KDM4A: variants seen among roughly 807,000 people sequenced by gnomAD.
The protein encoded by KDM4A is lysine-specific demethylase 4A.
A neutral mutation model predicts 127.1 loss-of-function variants in KDM4A; 23 were observed. The ratio of observed to expected loss-of-function variants is 0.18; its 90% confidence interval spans 0.13 to 0.26. The LOEUF (loss-of-function observed/expected upper bound fraction) is 0.26, where lower values mean the gene tolerates loss of function less well. KDM4A is among the 10% of genes least tolerant of loss of function. The pLI is 1.00. For missense variants in KDM4A, 890 were observed against 1,329.1 expected (o/e 0.67, Z 5.14); for synonymous variants, 443 against 466.5 (o/e 0.95, Z 0.65).
intron 18 of KDM4A, among the ~76,000 whole-genome samples, chr1:43,697,571 T>C (rs370658354): frequency 2.6e-5 from 4 of 152,140 alleles, no homozygotes; most frequent in African/African-American, 9.7e-5. Flanking sequence ...CTGGGTAAGA[T>C]AATATGGTAT....
chr1:43,681,007 A>T (rs1557913671), intron 11 of KDM4A, among the ~76,000 whole-genome samples: 1 of 152,210 alleles, frequency 6.6e-6, no homozygotes, highest in Non-Finnish European at 1.5e-5. Flanking sequence ...TGAAGCCCCT[A>T]TCATAGCTAA....
intron 3 of KDM4A, 28 bp downstream of exon 3, chr1:43,655,794 A>G (rs780333363): frequency 6.3e-7 from 1 of 1,585,144 alleles, no homozygotes; most frequent in South Asian, 1.1e-5. Context: ...CTTACCTGAC[A>G]TAGCACCTAG....
intron 11 of KDM4A, among the ~76,000 whole-genome samples, chr1:43,677,793 T>C (rs756782748): frequency 1.3e-5 from 2 of 152,238 alleles, no homozygotes; most frequent in Non-Finnish European, 2.9e-5. Context: ...ACTTCCTACA[T>C]TTATGCATCA....
At chr1:43,698,672 T>C (rs558724363) in intron 19 of KDM4A, among the ~76,000 whole-genome samples, 65 of 152,364 alleles carry the variant, frequency 4.3e-4, no homozygotes, top group Non-Finnish European at 8.1e-4. Context: ...TCAGGTATTG[T>C]CCCATGTTTA....
chr1:43,664,510 G>A (rs1025529032), intron 5 of KDM4A, among the ~76,000 whole-genome samples: 2 of 152,050 alleles, frequency 1.3e-5, no homozygotes, highest in African/African-American at 2.4e-5. Context: ...AGGCCGGAGG[G>A]GACATCATGG....
chr1:43,695,046 T>A, intron 18 of KDM4A, 152 bp downstream of exon 18: 1 of 746,988 alleles, frequency 1.3e-6, no homozygotes, highest in Non-Finnish European at 2.1e-6. Context: ...GTGGCCCCTG[T>A]CCATCTCCAC....
chr1:43,697,980 C>G lies in KDM4A; in HGVS notation c.2808C>G (p.Ser936=), dbSNP rs1661284767. 1.9e-6 allele frequency: 3 copies of G among 1,613,730 alleles called. No homozygotes were observed. In the South Asian group the frequency reaches 3.3e-5, roughly 18 times the overall value. ...TFYEVNFDDG[S]FSDNLYPEDI... is the part of the protein sequence containing the mutation. ...ATGAAGTCAACTTTGATGATGGCTC[C>G]TTCAGCGACAATCTTTATCCTGAGG... The change falls in exon 19 of 22, where the codon TCC becomes TCG. Residue 936 remains serine (S), a synonymous_variant. Transcript: ENST00000372396.
At chr1:43,697,349 T>C (rs1475623079) in intron 18 of KDM4A, among the ~76,000 whole-genome samples, 2 of 152,192 alleles carry the variant, frequency 1.3e-5, no homozygotes, top group Non-Finnish European at 2.9e-5. Context: ...GCAGGGCCCT[T>C]GGAATGGGGG....
At chr1:43,668,148 T>C (rs1660541180) in intron 9 of KDM4A, 129 bp downstream of exon 9, 5 of 1,284,692 alleles carry the variant, frequency 3.9e-6, no homozygotes, top group Admixed American at 4.2e-5. Flanking sequence ...TTGTTTTTGA[T>C]GGAGTCTCGC....
At position 43,661,627 on chromosome 1, in the gene KDM4A, A is replaced by G. The variant is rs1045683975; in HGVS notation, c.429+1215A>G. Reference sequence around the variant, plus strand: ...CTGTCTCAAAAAAAAAAAAAAAAAAAAAAAAAAAAAAAAGAATTCCAGTTT... The same window carrying G: ...CTGTCTCAAAAAAAAAAAAAAAAAAGAAAAAAAAAAAAAGAATTCCAGTTT... On this transcript the variant is annotated intron_variant, in intron 4 of 21. Coordinates refer to ENST00000372396, the MANE Select transcript of KDM4A (RefSeq NM_014663.3). Among the ~76,000 whole-genome samples the G allele has an allele frequency of 7.4e-5, 11 of 148,602 alleles. No individual in the cohort carries two copies. The East Asian group carries it at 1.2e-3, about 16-fold the overall frequency.
In KDM4A at chr1:43,703,922, A is replaced by G. The variant is rs539290678; in HGVS notation, c.2962-98A>G. 7 of 1,321,114 alleles carry G rather than the reference A, an allele frequency of 5.3e-6. No homozygotes were observed. In the East Asian group the frequency reaches 1.4e-4, roughly 26 times the overall value. 81.8% of individuals were successfully genotyped at this position (1,321,114 alleles called of 1,614,324 possible). A position where few individuals can be genotyped will look rare whatever the true frequency, so the allele number is the denominator to read the frequency against. On this transcript the variant is annotated intron_variant, in intron 20 of 21. Transcript: ENST00000372396. The stretch of plus-strand genomic sequence containing the variant: ...AAGGTAGTTGTTATTTTAGTGTTCT[A>G]ACTCCTTCCTTTGACTGTAGGGGAC...
At chr1:43,703,859 AG>A (rs2154049738) in intron 20 of KDM4A, 123 bp downstream of exon 20, 1 of 1,402,012 alleles carries the variant, frequency 7.1e-7, no homozygotes, top group East Asian at 2.3e-5. Context: ...TTTCAGAGCT[AG>A]GGGTCTGCCC....
At chr1:43,692,332 C>G in intron 16 of KDM4A, 21 bp downstream of exon 16, 1 of 1,606,690 alleles carries the variant, frequency 6.2e-7, no homozygotes, top group Non-Finnish European at 8.5e-7. Flanking sequence ...TGAGCAGTGC[C>G]TTGGAATGCA....
intron 3 of KDM4A, among the ~76,000 whole-genome samples, chr1:43,658,029 C>T (rs1272753690): frequency 2.0e-5 from 3 of 150,640 alleles, no homozygotes; most frequent in East Asian, 1.9e-4. Context: ...CTATTCCTTT[C>T]GTCCTAATAC....
At chr1:43,686,880 T>C (rs1660995046) in intron 12 of KDM4A, among the ~76,000 whole-genome samples, 2 of 152,254 alleles carry the variant, frequency 1.3e-5, no homozygotes, top group South Asian at 4.1e-4. Flanking sequence ...ATTTTACATA[T>C]GTAAACTGTA....
chr1:43,677,740 G>C (rs1304670489), intron 11 of KDM4A, among the ~76,000 whole-genome samples: 2 of 152,154 alleles, frequency 1.3e-5, no homozygotes, highest in African/African-American at 2.4e-5. Flanking sequence ...ATTAGAAATT[G>C]TTTAACAGAG....
At chr1:43,699,091 ATTTTTTTT>A (rs61194980) in intron 19 of KDM4A, among the ~76,000 whole-genome samples, 2 of 126,430 alleles carry the variant, frequency 1.6e-5, no homozygotes, top group Admixed American at 8.2e-5. Context: ...GCCTGGCCTT[ATTTTTTTT>A]TTTTTTTTTT....
chr1:43,680,137 CAGG>C (rs1361500241), intron 11 of KDM4A, among the ~76,000 whole-genome samples: 2 of 152,074 alleles, frequency 1.3e-5, no homozygotes, highest in Non-Finnish European at 2.9e-5. Flanking sequence ...GAGTACTGTC[CAGG>C]AGATGAGGAA....
In KDM4A at chr1:43,694,655, G is replaced by T; in HGVS notation, c.2485-54G>T. ...TTGCATTTGGGAGGGGAACAACAGA[G>T]GAAGCTGCAGTGCCAGTTCCTGCAA... On this transcript the variant is annotated intron_variant, in intron 17 of 21. Transcript: ENST00000372396. The surrounding 1 kb of genome is among the most constrained non-coding windows in gnomAD (Gnocchi z 5.2). 1 of 1,500,654 alleles carries T rather than the reference G, an allele frequency of 6.7e-7. No individual in the cohort carries two copies. The allele number at this position is 1,500,654 out of a possible 1,614,324, so 93.0% of individuals were successfully genotyped here.
Sources: gnomAD v4.1 joint callset for allele counts (sites outside exome capture counted in the v4.1 genomes callset) on GRCh38, gnomAD v4.1.1 for gene constraint, Gnocchi (gnomAD v3.1) non-coding constraint, MANE v1.5 for transcripts, NCBI Gene and HGNC (gene_info 2026-07-23, HGNC 2026-07-21) for gene names.